The following MED15 variants were observed in gnomAD, a reference collection of about 807,000 sequenced individuals.
The protein encoded by MED15 is mediator of RNA polymerase II transcription subunit 15.
A neutral mutation model predicts 118.7 loss-of-function variants in MED15; 41 were observed. The ratio of observed to expected loss-of-function variants is 0.35; its 90% CI spans 0.27 to 0.45. MED15 has a LOEUF of 0.45. Ranked by LOEUF, MED15 falls within the 20% of genes least tolerant of loss-of-function variation. The pLI is 1.00. For synonymous variants in MED15, 436 were observed against 413.9 expected (o/e 1.05, Z -0.65); for missense variants, 740 against 1,025.5 (o/e 0.72, Z 3.80).
rs144315472 is a variant in MED15, at chr22:20,534,439, A to G, written c.69-2678A>G. On this transcript the variant is annotated intron_variant, in intron 1 of 17. Coordinates refer to ENST00000263205, the MANE Select transcript of MED15 (RefSeq NM_001003891.3). Reference sequence around the variant, plus strand: ...ATTTGGGAGGCTGAGGTGAGAGGATACTTGAGCCCAGGAGTTTGAAGCTGC... The same window carrying G: ...ATTTGGGAGGCTGAGGTGAGAGGATGCTTGAGCCCAGGAGTTTGAAGCTGC... Among the ~76,000 whole-genome samples, 33 of 152,232 alleles carry G rather than the reference A, an allele frequency of 2.2e-4. No individual in the cohort carries two copies. The East Asian group carries it at 6.4e-3, about 29-fold the overall frequency.
chr22:20,585,738 C>A lies in MED15; in HGVS notation c.2142C>A (p.Asp714Glu). ...VHLICKLDDK[D>E]LPSVPPLELS... ...CCTTCTGTGTTGCAGATGACAAGGA[C>A]CTCCCAAGTGTGCCACCACTGGAGC... The change falls in exon 17 of 18, where the codon GAC becomes GAA. Residue 714 changes from aspartate (D) to glutamate (E), a missense_variant. Coordinates refer to ENST00000263205, the MANE Select transcript of MED15 (RefSeq NM_001003891.3). 6.2e-7 allele frequency: 1 copy of A among 1,613,252 alleles called. No homozygotes were observed. The highest frequency in any genetic ancestry group is 8.5e-7 in the Non-Finnish European group (1 of 1,179,966).
chr22:20,518,371 A>C (rs2054327666), intron 1 of MED15, among the ~76,000 whole-genome samples: 1 of 151,718 alleles, frequency 6.6e-6, no homozygotes. Context: ...CTTCCAAGTT[A>C]CCTTTCTTCA....
chr22:20,507,871 G>C (rs2146317787), intron 1 of MED15, 125 bp downstream of exon 1: 2 of 1,511,802 alleles, frequency 1.3e-6, no homozygotes, highest in Non-Finnish European at 1.8e-6. Flanking sequence ...GGGGACTTGC[G>C]TGGGTCCCAG....
intron 7 of MED15, among the ~76,000 whole-genome samples, chr22:20,568,059 T>C (rs1171901521): frequency 6.6e-6 from 1 of 152,218 alleles, no homozygotes; most frequent in East Asian, 1.9e-4. Flanking sequence ...CAGGCTAGTC[T>C]TGATCTCCTG....
At chr22:20,575,711 A>G (rs1339005095) in intron 9 of MED15, among the ~76,000 whole-genome samples, 1 of 151,100 alleles carries the variant, frequency 6.6e-6, no homozygotes, top group Admixed American at 6.6e-5. Context: ...ATCTCCAATT[A>G]ATTATATACA....
chr22:20,552,660 G>A, intron 3 of MED15: 1 of 325,088 alleles, frequency 3.1e-6, no homozygotes, highest in South Asian at 2.4e-5. Context: ...ACTGGGGTCA[G>A]CTGGACTGGC....
rs12160573 is a variant in MED15, at chr22:20,511,032, T to G, written c.68+3286T>G. 2.7e-3 allele frequency among the ~76,000 whole-genome samples: 412 copies of G among 152,300 alleles called. 1 individual carries two copies. The highest frequency in any genetic ancestry group is 8.5e-3 in the African/African-American group (354 of 41,560). ...GTTCACTTTCTCTCTAGGGTTCACG[T>G]TGAAAGTCGTGATTCTTGGTGCCTT... On this transcript the variant is annotated intron_variant, in intron 1 of 17. Transcript: ENST00000263205.
At chr22:20,571,952 T>C (rs2056674633) in intron 8 of MED15, among the ~76,000 whole-genome samples, 2 of 152,204 alleles carry the variant, frequency 1.3e-5, no homozygotes, top group African/African-American at 4.8e-5. Context: ...TGCAGCATCT[T>C]CCACATCAAT....
intron 1 of MED15, among the ~76,000 whole-genome samples, chr22:20,536,788 A>G (rs1266825966): frequency 6.6e-6 from 1 of 152,196 alleles, no homozygotes; most frequent in Non-Finnish European, 1.5e-5. Context: ...CAGTAGTCTA[A>G]TGCGTACTTC....
intron 2 of MED15, among the ~76,000 whole-genome samples, chr22:20,547,109 T>C (rs1180139189): frequency 6.6e-6 from 1 of 152,248 alleles, no homozygotes; most frequent in Non-Finnish European, 1.5e-5. Context: ...CTAATATTAT[T>C]AGCATACTTG....
At chr22:20,558,525 C>G (rs753526175) in intron 5 of MED15, among the ~76,000 whole-genome samples, 6 of 152,140 alleles carry the variant, frequency 3.9e-5, no homozygotes, top group African/African-American at 1.2e-4. Flanking sequence ...ATATGACGTG[C>G]ATGTAAAGCC....
At chr22:20,569,985 C>T (rs1169560263) in intron 8 of MED15, among the ~76,000 whole-genome samples, 1 of 152,176 alleles carries the variant, frequency 6.6e-6, no homozygotes, top group Non-Finnish European at 1.5e-5. Context: ...ACCTTTGCCT[C>T]TTTGGACCAT....
At chr22:20,540,787 A>G (rs772235809) in intron 2 of MED15, among the ~76,000 whole-genome samples, 3 of 152,156 alleles carry the variant, frequency 2.0e-5, no homozygotes, top group Non-Finnish European at 4.4e-5. Context: ...ATCATAGGAC[A>G]CTGTCATAAG....
At chr22:20,543,834 A>G (rs1214766017) in intron 2 of MED15, among the ~76,000 whole-genome samples, 1 of 152,166 alleles carries the variant, frequency 6.6e-6, no homozygotes, top group East Asian at 1.9e-4. Flanking sequence ...CTGGGATTAT[A>G]GGCATGAGTC....
chr22:20,550,160 C>T (rs1286990707), intron 2 of MED15, among the ~76,000 whole-genome samples: 1 of 152,104 alleles, frequency 6.6e-6, no homozygotes, highest in East Asian at 1.9e-4. Context: ...GTTCCCACAC[C>T]TCCATTGCCC....
rs1477357291 is a variant in MED15, at chr22:20,575,251, C to T, written c.1272+19C>T. ...GGCACAGGTATTTACGGGGCAGCGC[C>T]CAGGGCACGGCTGGGAGCTCGGGGC... On this transcript the variant is annotated intron_variant, in intron 9 of 17. Transcript: ENST00000263205. 6.2e-7 allele frequency: 1 copy of T among 1,611,634 alleles called. No individual in the cohort carries two copies. Among genetic ancestry groups the T allele is most frequent in the African/African-American group, 1.3e-5 (1 of 74,934 alleles).
At chr22:20,560,002 A>G (rs2056171122) in intron 5 of MED15, among the ~76,000 whole-genome samples, 1 of 152,144 alleles carries the variant, frequency 6.6e-6, no homozygotes, top group Admixed American at 6.5e-5. Context: ...GGGATATTTG[A>G]CAATGTCTGG....
intron 2 of MED15, among the ~76,000 whole-genome samples, chr22:20,541,233 C>T (rs1390754615): frequency 2.6e-5 from 4 of 151,412 alleles, no homozygotes; most frequent in Admixed American, 6.6e-5. Context: ...AGTGAGACTC[C>T]GTCTCAAAAA....
At chr22:20,575,331 T>C in intron 9 of MED15, 99 bp downstream of exon 9, 1 of 1,440,720 alleles carries the variant, frequency 6.9e-7, no homozygotes, top group Non-Finnish European at 9.2e-7. Context: ...CGGTGACTTC[T>C]TTTATGGTGG....
Sources: allele counts gnomAD v4.1 joint callset (sites outside exome capture counted in the v4.1 genomes callset), GRCh38; gene constraint gnomAD v4.1.1; transcripts MANE v1.5; gene names NCBI Gene and HGNC (gene_info 2026-07-23, HGNC 2026-07-21).